Variants in PARD3 observed in about 807,000 individuals in gnomAD.
The protein encoded by PARD3 is partitioning defective 3 homolog.
Under a neutral mutation model 155.4 loss-of-function variants are expected in PARD3, and 75 were observed. The observed-to-expected ratio is 0.48, with a 90% CI of 0.40 to 0.58. The LOEUF is 0.58. Among genes scored for constraint, PARD3 ranks in the 20% least tolerant of loss-of-function variants. The pLI is 0.00. For missense variants in PARD3, 1,642 were observed against 1,721.7 expected (o/e 0.95, Z 0.82); for synonymous variants, 576 against 610.5 (o/e 0.94, Z 0.83).
chr10:34,634,357 C>G (rs1046128492), intron 2 of PARD3, among the ~76,000 whole-genome samples: 1 of 152,058 alleles, frequency 6.6e-6, no homozygotes, highest in African/African-American at 2.4e-5. Context: ...GCTTAAAATG[C>G]TCATATATGT....
chr10:34,745,407 A>T (rs763557156), intron 1 of PARD3, among the ~76,000 whole-genome samples: 2 of 146,890 alleles, frequency 1.4e-5, no homozygotes, highest in Non-Finnish European at 3.0e-5. Context: ...GAAAGGAAGG[A>T]AAGAGAGGGA....
At chr10:34,614,912 C>T (rs529746794) in intron 2 of PARD3, among the ~76,000 whole-genome samples, 1 of 152,208 alleles carries the variant, frequency 6.6e-6, no homozygotes, top group Non-Finnish European at 1.5e-5. Context: ...GGCACGGTGG[C>T]TCATGCCTGT....
chr10:34,782,145 C>G (rs1384828508), intron 1 of PARD3, among the ~76,000 whole-genome samples: 3 of 152,092 alleles, frequency 2.0e-5, no homozygotes, highest in Non-Finnish European at 2.9e-5. Context: ...CTTCTAGACC[C>G]AAGTGCTAAT....
At chr10:34,803,907 T>C (rs1007575665) in intron 1 of PARD3, among the ~76,000 whole-genome samples, 17 of 152,344 alleles carry the variant, frequency 1.1e-4, no homozygotes, top group African/African-American at 4.1e-4. Flanking sequence ...TGTGCTTTCA[T>C]AATTTAAAAT....
At chr10:34,270,010 A>G (rs1955537051) in intron 21 of PARD3, 111 bp from the exon 22 acceptor site, 2 of 1,078,432 alleles carry the variant, frequency 1.9e-6, no homozygotes, top group African/African-American at 1.6e-5. Flanking sequence ...TCTTGCAGCT[A>G]TAGAAGATCA....
intron 20 of PARD3, among the ~76,000 whole-genome samples, chr10:34,309,009 T>C (rs1250804337): frequency 6.6e-6 from 1 of 151,936 alleles, no homozygotes; most frequent in African/African-American, 2.4e-5. Flanking sequence ...GGGATGAAAA[T>C]GGACCCCGAC....
intron 22 of PARD3, among the ~76,000 whole-genome samples, chr10:34,188,869 T>TC (rs1252630132): frequency 2.1e-4 from 32 of 151,772 alleles, no homozygotes; most frequent in African/African-American, 5.6e-4. Context: ...ACAGCACTTC[T>TC]CCCCCCACAC....
chr10:34,268,789 G>T (rs952455220), intron 22 of PARD3, among the ~76,000 whole-genome samples: 8 of 152,134 alleles, frequency 5.3e-5, no homozygotes, highest in African/African-American at 1.4e-4. Flanking sequence ...GGGATGGGGG[G>T]AGGGGTGAGG....
intron 6 of PARD3, among the ~76,000 whole-genome samples, chr10:34,400,493 G>C (rs1843765439): frequency 2.0e-5 from 3 of 151,912 alleles, no homozygotes; most frequent in South Asian, 4.2e-4. Flanking sequence ...TAACATCAGA[G>C]GTCTAAGCAG....
intron 3 of PARD3, among the ~76,000 whole-genome samples, chr10:34,513,426 G>A (rs753474450): frequency 6.6e-5 from 10 of 152,106 alleles, no homozygotes; most frequent in Non-Finnish European, 1.0e-4. Flanking sequence ...GACTACAGGC[G>A]TGTGCCACCA....
intron 8 of PARD3, 102 bp downstream of exon 8, chr10:34,384,027 T>C: frequency 8.6e-7 from 1 of 1,157,384 alleles, no homozygotes; most frequent in Non-Finnish European, 1.2e-6. Context: ...TCCTCTCCAG[T>C]ATACAGACTG....
chr10:34,624,239 A>T (rs766702262), intron 2 of PARD3, among the ~76,000 whole-genome samples: 15 of 152,206 alleles, frequency 9.9e-5, no homozygotes, highest in Non-Finnish European at 2.9e-5. Flanking sequence ...GTAACAAGTT[A>T]AACGGCCCTT....
rs1353961510 is a variant in PARD3 at position 34,293,309 on chromosome 10, C to A, written c.3066-9064G>T. The stretch of plus-strand genomic sequence containing the variant: ...TAATTTCTGCGGCAAAATATTCCCT[C>A]TTTGCAAAAGATATACCTTGGCTTG... On this transcript the variant is annotated intron_variant, in intron 20 of 24. Coordinates refer to ENST00000374788, the MANE Select transcript of PARD3 (RefSeq NM_001184785.2). Among the ~76,000 whole-genome samples the A allele has an allele frequency of 2.0e-5, 3 of 152,112 alleles. No individual in the cohort carries two copies. In the East Asian group the frequency reaches 5.8e-4, roughly 29 times the overall value.
At chr10:34,207,580 T>C (rs1951538978) in intron 22 of PARD3, among the ~76,000 whole-genome samples, 1 of 152,182 alleles carries the variant, frequency 6.6e-6, no homozygotes, top group South Asian at 2.1e-4. Flanking sequence ...CAAAGCAAGT[T>C]ACACAAATAA....
chr10:34,286,032 A>G (rs1056265900), intron 20 of PARD3, among the ~76,000 whole-genome samples: 11 of 152,228 alleles, frequency 7.2e-5, no homozygotes, highest in African/African-American at 2.7e-4. Flanking sequence ...AAGGTATAAA[A>G]TACATGCTAT....
chr10:34,394,388 T>C (rs944732264), intron 7 of PARD3, among the ~76,000 whole-genome samples: 1 of 152,142 alleles, frequency 6.6e-6, no homozygotes, highest in Non-Finnish European at 1.5e-5. Flanking sequence ...TACAGTGGCA[T>C]GATCATGGCT....
At chr10:34,616,355 T>C (rs777185236) in intron 2 of PARD3, among the ~76,000 whole-genome samples, 3 of 151,970 alleles carry the variant, frequency 2.0e-5, no homozygotes, top group Non-Finnish European at 4.4e-5. Context: ...AGAACAATCA[T>C]ACATCCAGCA....
intron 20 of PARD3, among the ~76,000 whole-genome samples, chr10:34,302,368 A>T (rs766083584): frequency 2.0e-5 from 3 of 152,214 alleles, no homozygotes; most frequent in Non-Finnish European, 4.4e-5. Context: ...TGTATCTATT[A>T]ATTCCCATTA....
intron 23 of PARD3, among the ~76,000 whole-genome samples, chr10:34,126,818 G>GAAAAAAAAA (rs550942430): frequency 2.7e-5 from 2 of 73,378 alleles, no homozygotes; most frequent in African/African-American, 9.4e-5. Flanking sequence ...TCTTGAAAAT[G>GAAAAAAAAA]AAAAAAAAAA....
Sources: allele counts gnomAD v4.1 joint callset (sites outside exome capture counted in the v4.1 genomes callset), GRCh38; gene constraint gnomAD v4.1.1; transcripts MANE v1.5; gene names NCBI Gene and HGNC (gene_info 2026-07-23, HGNC 2026-07-21).